The following WDFY1 variants were observed in gnomAD, a reference collection of about 807,000 sequenced individuals.
The protein encoded by WDFY1 is WD repeat and FYVE domain-containing protein 1.
In WDFY1, 32 loss-of-function variants were observed where a neutral mutation model predicts 56.4. The ratio of observed to expected loss-of-function variants is 0.57; its 90% CI spans 0.43 to 0.76. The LOEUF is 0.76. Among genes scored for constraint, WDFY1 ranks in the 30% least tolerant of loss-of-function variants. The pLI is 0.00. For synonymous variants in WDFY1, 192 were observed against 197.3 expected, an observed-to-expected ratio of 0.97 and a Z score of 0.23; for missense variants, 480 against 545.7, an observed-to-expected ratio of 0.88 and a Z score of 1.20.
chr2:223,940,645 CTTT>C (rs34758959), intron 1 of WDFY1, among the ~76,000 whole-genome samples: 4 of 144,786 alleles, frequency 2.8e-5, no homozygotes, highest in Non-Finnish European at 4.5e-5. Flanking sequence ...TTATTTCTTT[CTTT>C]TTTTTTTTTT....
intron 2 of WDFY1, 92 bp downstream of exon 2, chr2:223,917,849 GGT>G: frequency 6.9e-7 from 1 of 1,458,134 alleles, no homozygotes; most frequent in Non-Finnish European, 9.5e-7. Flanking sequence ...TGGGATTACA[GGT>G]GTGAGCCACC....
At position 223,895,504 on chromosome 2, in the gene WDFY1, T is replaced by C. The variant is rs371244605; in HGVS notation, c.725A>G (p.His242Arg). The change falls in exon 7 of 12, where the codon CAT (histidine) becomes CGT (arginine). Residue 242 changes from histidine (H) to arginine (R), a missense_variant and splice_region_variant. Transcript: ENST00000233055. The stretch of plus-strand genomic sequence containing the variant: ...CCCACCCCCACAAGTGGTCACGCAC[T>C]GATGGCCCTGAAGTAACAGCGTCCG... ...KGRTLLLQGH[H>R]DKVQSLCYLQ... The C allele has an allele frequency of 6.2e-6, 10 of 1,613,820 alleles. No homozygotes were observed. In the African/African-American group the frequency reaches 1.3e-4, roughly 22 times the overall value.
In WDFY1 at chr2:223,886,947, TATAAC is replaced by T. The variant is rs1422610998; in HGVS notation, c.832-2203_832-2199del. On this transcript the variant is annotated intron_variant, in intron 8 of 11. Transcript: ENST00000233055. The stretch of plus-strand genomic sequence containing the variant: ...ATCGGTCACTAGAAATATTTCTACA[TATAAC>T]AGACATTAGAAAGGCCTTTTTTTGA... Among the ~76,000 whole-genome samples the T allele has an allele frequency of 8.5e-5, 13 of 152,240 alleles. No individual in the cohort carries two copies. The East Asian group carries it at 2.5e-3, about 29-fold the overall frequency.
intron 1 of WDFY1, among the ~76,000 whole-genome samples, chr2:223,939,570 G>A (rs1689263143): frequency 6.6e-6 from 1 of 152,184 alleles, no homozygotes; most frequent in Non-Finnish European, 1.5e-5. Context: ...CATGGTGGAA[G>A]GCAGAAGACA....
At position 223,884,859 on chromosome 2, in the gene WDFY1, CT is replaced by C. The variant is rs1553535378; in HGVS notation, c.832-111del. 5,479 of 687,238 alleles carry C rather than the reference CT, an allele frequency of 8.0e-3. 2 individuals carry two copies. The highest frequency in any genetic ancestry group is 0.037 in the East Asian group (1,125 of 30,296). The allele number at this position is 687,238 out of a possible 1,614,324, so 42.6% of individuals were successfully genotyped here. On this transcript the variant is annotated intron_variant, in intron 8 of 11. Transcript: ENST00000233055. ...TGCCAAGGTTAGTATTTCTTTTCTT[CT>C]TTTTTTTTTTTTTTTGGTCTCCCAG...
Position 223,878,358 on chromosome 2 carries a change from T to A in WDFY1, c.*313A>T, listed in dbSNP as rs1693006545. On this transcript the variant is annotated 3_prime_UTR_variant, in exon 12 of 12. Transcript: ENST00000233055. ...AGGTTCTAAGCATTCACTTTTTTGT[T>A]TGATTTTTTGTCCCCGCTAAAACTC... 8.8e-6 allele frequency: 2 copies of A among 227,124 alleles called. No homozygotes were observed. Among genetic ancestry groups the A allele is most frequent in the Non-Finnish European group, 1.7e-5 (2 of 115,320 alleles). The allele number at this position is 227,124 out of a possible 1,614,324, so 14.1% of individuals were successfully genotyped here.
rs558689359 is a variant in WDFY1, at chr2:223,936,748, T to G, written c.137+8400A>C. On this transcript the variant is annotated intron_variant, in intron 1 of 11. Transcript: ENST00000233055. ...ATGCCTGTATAAAATATGTGGTTTATGTTGACCACCTACCTTCCTTCTGAG... is the reference window on the plus strand; with the variant it reads ...ATGCCTGTATAAAATATGTGGTTTAGGTTGACCACCTACCTTCCTTCTGAG... 5.9e-5 allele frequency among the ~76,000 whole-genome samples: 9 copies of G among 152,368 alleles called. No individual in the cohort carries two copies. In the South Asian group the frequency reaches 1.9e-3, roughly 32 times the overall value.
intron 8 of WDFY1, among the ~76,000 whole-genome samples, chr2:223,885,808 C>A (rs1484622435): frequency 6.6e-6 from 1 of 152,114 alleles, no homozygotes; most frequent in Non-Finnish European, 1.5e-5. Context: ...GATTTGCCCC[C>A]CTTCCCTTCC....
intron 1 of WDFY1, among the ~76,000 whole-genome samples, chr2:223,944,778 C>T (rs1057427623): frequency 7.2e-6 from 1 of 138,050 alleles, no homozygotes; most frequent in Non-Finnish European, 1.5e-5. Flanking sequence ...GCGAGGTGGG[C>T]TGGGAGGGGC....
At chr2:223,895,276 C>T (rs2106078218) in intron 7 of WDFY1, among the ~76,000 whole-genome samples, 1 of 151,892 alleles carries the variant, frequency 6.6e-6, no homozygotes, top group Admixed American at 6.5e-5. Flanking sequence ...AGGAAGAAAG[C>T]CCTGCATTTG....
chr2:223,898,089 T>C (rs1221106784), intron 6 of WDFY1, among the ~76,000 whole-genome samples: 1 of 152,176 alleles, frequency 6.6e-6, no homozygotes, highest in African/African-American at 2.4e-5. Context: ...TTATTACACA[T>C]GTGTATGTGG....
intron 8 of WDFY1, among the ~76,000 whole-genome samples, chr2:223,885,311 C>G (rs1693154548): frequency 6.6e-6 from 1 of 152,108 alleles, no homozygotes; most frequent in African/African-American, 2.4e-5. Flanking sequence ...CTGCCTCAGC[C>G]TCCCGAATAG....
At chr2:223,906,496 G>T (rs1269261570) in intron 3 of WDFY1, among the ~76,000 whole-genome samples, 3 of 151,980 alleles carry the variant, frequency 2.0e-5, no homozygotes, top group African/African-American at 7.2e-5. Flanking sequence ...TGAGATTGTG[G>T]GTGGTTTTTG....
chr2:223,899,060 C>T lies in WDFY1; in HGVS notation c.496G>A (p.Asp166Asn), dbSNP rs984497631. Residue 166 changes from aspartate to asparagine, a missense_variant, in exon 6 of 12, where the codon GAC (aspartate) becomes AAC (asparagine). Physicochemically the swap from Asp to Asn is conservative, Grantham distance 23. Transcript: ENST00000233055. ...TCACCAACGAAAGCATACTGAGTGT[C>T]AAAGTCATATCTGAGGAGAAGCAGT... ...SWASCLQYDFDTQYAFVGDYS... is the reference protein window; with the variant it reads ...SWASCLQYDFNTQYAFVGDYS... 33 of 1,613,952 alleles carry T rather than the reference C, an allele frequency of 2.0e-5. No individual in the cohort carries two copies. Among genetic ancestry groups the T allele is most frequent in the Non-Finnish European group, 2.6e-5 (31 of 1,179,910 alleles).
At position 223,895,570 on chromosome 2, in the gene WDFY1, T is replaced by A. The variant is rs757193379; in HGVS notation, c.659A>T (p.Asp220Val). 1.2e-6 allele frequency: 2 copies of A among 1,613,908 alleles called. No individual in the cohort carries two copies. Among genetic ancestry groups the A allele is most frequent in the Non-Finnish European group, 1.7e-6 (2 of 1,179,994 alleles). ...IQRLLFSGAS[D>V]NSIIMWDIGG... ...GATGTCCCACATGATGATGCTGTTGTCAGATGCTCCTGAGAAGAGTAACCG... is the reference window on the plus strand; with the variant it reads ...GATGTCCCACATGATGATGCTGTTGACAGATGCTCCTGAGAAGAGTAACCG... Residue 220 changes from aspartate to valine, a missense_variant, in exon 7 of 12, where the codon GAC (aspartate) becomes GTC (valine). Asp to Val is a radical substitution (Grantham distance 152). Transcript: ENST00000233055.
chr2:223,917,572 AACTT>A (rs899750932), intron 2 of WDFY1, among the ~76,000 whole-genome samples: 11 of 152,078 alleles, frequency 7.2e-5, no homozygotes, highest in African/African-American at 1.9e-4. Flanking sequence ...GACATTTTGA[AACTT>A]ACTTATTTTT....
intron 1 of WDFY1, among the ~76,000 whole-genome samples, chr2:223,922,639 A>C (rs1197208459): frequency 6.6e-6 from 1 of 152,188 alleles, no homozygotes; most frequent in Non-Finnish European, 1.5e-5. Flanking sequence ...AAAACTCTTC[A>C]AATCAATTCC....
rs200436716 is a variant in WDFY1 at position 223,875,396 on chromosome 2, C to T, written c.*3275G>A. Reference sequence around the variant, plus strand: ...GTGTACATTTTCTCAAAAAAAAAAACCCACAAAAACAGAACCCACAAATAG... The same window carrying T: ...GTGTACATTTTCTCAAAAAAAAAAATCCACAAAAACAGAACCCACAAATAG... On this transcript the variant is annotated 3_prime_UTR_variant, in exon 12 of 12. Transcript: ENST00000233055. The T allele has an allele frequency of 8.1e-6, 1 of 122,904 alleles. No individual in the cohort carries two copies. The highest frequency in any genetic ancestry group is 8.2e-5 in the Admixed American group (1 of 12,192). The allele number at this position is 122,904 out of a possible 1,614,324, so 7.6% of individuals were successfully genotyped here.
chr2:223,899,107 A>C, intron 5 of WDFY1, 37 bp from the exon 6 acceptor site: 6 of 1,543,056 alleles, frequency 3.9e-6, no homozygotes, highest in Non-Finnish European at 5.4e-6. Context: ...AACAGAAATC[A>C]CCTGAAAGTC....
Sources: gnomAD v4.1 joint callset for allele counts (sites outside exome capture counted in the v4.1 genomes callset) on GRCh38, gnomAD v4.1.1 for gene constraint, MANE v1.5 for transcripts, NCBI Gene and HGNC (gene_info 2026-07-23, HGNC 2026-07-21) for gene names.